Variants in HTRA3 observed in about 807,000 individuals in gnomAD.
HTRA3 encodes the protein serine protease HTRA3.
Under a neutral mutation model 43.2 loss-of-function variants are expected in HTRA3, and 41 were observed. The observed-to-expected ratio is 0.95, with a 90% confidence interval of 0.74 to 1.23. The LOEUF (loss-of-function observed/expected upper bound fraction) is 1.23, where lower values mean the gene tolerates loss of function less well. Ranked by LOEUF, HTRA3 falls within the 50% of genes most tolerant of loss-of-function variation. The pLI is 0.00. For missense variants in HTRA3, 628 were observed against 647.1 expected, an observed-to-expected ratio of 0.97 and a Z score of 0.32; for synonymous variants, 295 against 287.9, an observed-to-expected ratio of 1.02 and a Z score of -0.25.
rs1712640109 is a variant in HTRA3, at chr4:8,279,043, C to T, written c.386-3394C>T. 6.6e-6 allele frequency among the ~76,000 whole-genome samples: 1 copy of T among 152,022 alleles called. No homozygotes were observed. Among genetic ancestry groups the T allele is most frequent in the African/African-American group, 2.4e-5 (1 of 41,376 alleles). ...CCTTCCCTCTGAAATGTCTCAGCGG[C>T]TGTCTCACCCTGTGCTGGTTACCAC... is the stretch of plus-strand genomic sequence containing the variant. On this transcript the variant is annotated intron_variant, in intron 1 of 8. Coordinates refer to ENST00000307358, the MANE Select transcript of HTRA3 (RefSeq NM_053044.5). The surrounding 1 kb of genome is among the most constrained non-coding windows in gnomAD (Gnocchi z 7.4).
chr4:8,270,729 A>G (rs1712235925), intron 1 of HTRA3, among the ~76,000 whole-genome samples: 1 of 152,166 alleles, frequency 6.6e-6, no homozygotes, highest in Non-Finnish European at 1.5e-5. Flanking sequence ...CTAACTCTCC[A>G]GCCGGGGTGC....
Position 8,296,562 on chromosome 4 carries a change from T to C in HTRA3, c.1051+2361T>C, listed in dbSNP as rs1713465730. 1.0e-6 allele frequency: 1 copy of C among 983,374 alleles called. No individual in the cohort carries two copies. Among genetic ancestry groups the C allele is most frequent in the East Asian group, 1.1e-4 (1 of 8,796 alleles). 60.9% of individuals were successfully genotyped at this position (983,374 alleles called of 1,614,324 possible). A position where few individuals can be genotyped will look rare whatever the true frequency, so the allele number is the denominator to read the frequency against. ...TGCATTTATTATTCTCGTCTGGAGG[T>C]GGGGTGCAGAGGCCTCTGAGGGGCT... On this transcript the variant is annotated intron_variant, in intron 6 of 8. Coordinates refer to ENST00000307358, the MANE Select transcript of HTRA3 (RefSeq NM_053044.5). The surrounding 1 kb of genome is among the most constrained non-coding windows in gnomAD (Gnocchi z 5.3).
intron 4 of HTRA3, 91 bp downstream of exon 4, chr4:8,291,655 C>A (rs1217437341): frequency 5.6e-6 from 5 of 900,476 alleles, no homozygotes; most frequent in Non-Finnish European, 8.4e-6. Flanking sequence ...TGCCCCCCTC[C>A]CCAGAGCCAT....
chr4:8,278,694 C>T (rs890203444), intron 1 of HTRA3, among the ~76,000 whole-genome samples: 3 of 152,180 alleles, frequency 2.0e-5, no homozygotes, highest in Non-Finnish European at 4.4e-5. Flanking sequence ...CCTGGTGGGG[C>T]CCTGCAGGGG....
Position 8,286,522 on chromosome 4 carries a change from C to A in HTRA3, c.486-39C>A. The stretch of plus-strand genomic sequence containing the variant: ...TGCGCCTGACTCCCCCGCGTCCTAG[C>A]CCCACCCTAAATGCCCGCCTGTGTC... On this transcript the variant is annotated intron_variant, in intron 2 of 8. Transcript: ENST00000307358. The surrounding 1 kb of genome is among the most constrained non-coding windows in gnomAD (Gnocchi z 4.9). 6.3e-7 allele frequency: 1 copy of A among 1,581,354 alleles called. No individual in the cohort carries two copies. The highest frequency in any genetic ancestry group is 1.1e-5 in the South Asian group (1 of 90,052).
Position 8,295,414 on chromosome 4 carries a change from G to A in HTRA3, c.1051+1213G>A, listed in dbSNP as rs1400019191. ...ACCCTGCCCACTCCTAGATTGCCAT[G>A]AGCACCCATCTGGGAGAGGCCTCGC... On this transcript the variant is annotated intron_variant, in intron 6 of 8. Coordinates refer to ENST00000307358, the MANE Select transcript of HTRA3 (RefSeq NM_053044.5). This position sits in a 1 kb window ranked among gnomAD's most constrained non-coding sequence, Gnocchi z 6.9. Among the ~76,000 whole-genome samples the A allele has an allele frequency of 6.6e-6, 1 of 151,042 alleles. No individual in the cohort carries two copies. The highest frequency in any genetic ancestry group is 6.6e-5 in the Admixed American group (1 of 15,194).
At chr4:8,282,279 AG>A (rs1333910072) in intron 1 of HTRA3, among the ~76,000 whole-genome samples, 157 bp from the exon 2 acceptor site, 1 of 152,118 alleles carries the variant, frequency 6.6e-6, no homozygotes, top group African/African-American at 2.4e-5. Flanking sequence ...GCTGTGTGGT[AG>A]GGGGTCCCCA....
rs560019755 is a variant in HTRA3, at chr4:8,295,843, G to A, written c.1051+1642G>A. The A allele has an allele frequency of 7.1e-5, 88 of 1,238,022 alleles. No homozygotes were observed. Among genetic ancestry groups the A allele is most frequent in the African/African-American group, 1.1e-4 (7 of 64,676 alleles). The allele number at this position is 1,238,022 out of a possible 1,614,324, so 76.7% of individuals were successfully genotyped here. Reference sequence around the variant, plus strand: ...ATGAAGAGCTGCTGTTGAGGATGCCGCCATTGTTCTTCTGTGTCCATTATG... The same window carrying A: ...ATGAAGAGCTGCTGTTGAGGATGCCACCATTGTTCTTCTGTGTCCATTATG... On this transcript the variant is annotated intron_variant, in intron 6 of 8. Coordinates refer to ENST00000307358, the MANE Select transcript of HTRA3 (RefSeq NM_053044.5). The surrounding 1 kb of genome is among the most constrained non-coding windows in gnomAD (Gnocchi z 6.9).
rs1362901344 is a variant in HTRA3, at chr4:8,298,850, T to G, written c.1052-3613T>G. Among the ~76,000 whole-genome samples the G allele has an allele frequency of 2.0e-5, 3 of 152,336 alleles. No homozygotes were observed. In the East Asian group the frequency reaches 5.8e-4, roughly 29 times the overall value. On this transcript the variant is annotated intron_variant, in intron 6 of 8. Coordinates refer to ENST00000307358, the MANE Select transcript of HTRA3 (RefSeq NM_053044.5). ...CAGCTGTCTGTGTTTAGGCCAATAT[T>G]CAGTACTGCACTGGCCCGATTACTG... is the stretch of plus-strand genomic sequence containing the variant.
rs1385769523 is a variant in HTRA3 at position 8,270,120 on chromosome 4, G to A, written c.152G>A (p.Cys51Tyr). Residue 51 changes from cysteine to tyrosine, a missense_variant, in exon 1 of 9, where the codon TGC becomes TAC. Physicochemically the swap from Cys to Tyr is radical, Grantham distance 194. Coordinates refer to ENST00000307358, the MANE Select transcript of HTRA3 (RefSeq NM_053044.5). ...TACGTGCCCGACCTCTGCAACTGCT[G>A]CCTGGTGTGCGCCGCCAGCGAGGGC... ...GGYVPDLCNC[C>Y]LVCAASEGEP... The A allele has an allele frequency of 6.5e-7, 1 of 1,545,516 alleles. No individual in the cohort carries two copies. The highest frequency in any genetic ancestry group is 1.2e-5 in the South Asian group (1 of 85,506).
intron 1 of HTRA3, among the ~76,000 whole-genome samples, chr4:8,272,521 G>C (rs571421723): frequency 7.4e-4 from 112 of 152,318 alleles, no homozygotes; most frequent in African/African-American, 2.2e-3. Context: ...GAGAAGCGGG[G>C]ACCTGCAGGA....
chr4:8,279,893 C>A lies in HTRA3; in HGVS notation c.386-2544C>A, dbSNP rs1053538529. Among the ~76,000 whole-genome samples, 2 of 152,200 alleles carry A rather than the reference C, an allele frequency of 1.3e-5. No individual in the cohort carries two copies. Among genetic ancestry groups the A allele is most frequent in the African/African-American group, 2.4e-5 (1 of 41,444 alleles). ...GTCTCTGGTCGGTCACTGACTTGAC[C>A]CTTGCCCCCAGCTGAACCACTGTGT... On this transcript the variant is annotated intron_variant, in intron 1 of 8. Coordinates refer to ENST00000307358, the MANE Select transcript of HTRA3 (RefSeq NM_053044.5). The surrounding 1 kb of genome is among the most constrained non-coding windows in gnomAD (Gnocchi z 7.4).
intron 1 of HTRA3, among the ~76,000 whole-genome samples, chr4:8,273,180 G>A (rs13135847): frequency 6.6e-6 from 1 of 152,066 alleles, no homozygotes; most frequent in Non-Finnish European, 1.5e-5. Context: ...TGCTCTGTGG[G>A]CCTCCTGGCT....
At chr4:8,287,174 C>T (rs1008008395) in intron 3 of HTRA3, among the ~76,000 whole-genome samples, 3 of 152,204 alleles carry the variant, frequency 2.0e-5, no homozygotes, top group African/African-American at 4.8e-5. Flanking sequence ...CCGTGGGGAA[C>T]ACTTGGGACA....
At chr4:8,292,300 T>A (rs763597664) in intron 4 of HTRA3, 21 bp from the exon 5 acceptor site, 1 of 1,611,510 alleles carries the variant, frequency 6.2e-7, no homozygotes, top group South Asian at 1.1e-5. Context: ...GCACAGCTAA[T>A]GCTGTTTCCT....
chr4:8,288,960 T>C (rs1490269320), intron 3 of HTRA3, among the ~76,000 whole-genome samples: 10 of 137,296 alleles, frequency 7.3e-5, no homozygotes, highest in Non-Finnish European at 1.1e-4. Context: ...CTCTCTCTCT[T>C]TTTTTTTTTT....
At chr4:8,272,212 G>A (rs888375581) in intron 1 of HTRA3, among the ~76,000 whole-genome samples, 4 of 152,216 alleles carry the variant, frequency 2.6e-5, no homozygotes, top group Non-Finnish European at 4.4e-5. Flanking sequence ...TCTGGAGTTC[G>A]CGTCATGAGG....
chr4:8,301,068 T>A (rs143070903), intron 6 of HTRA3, among the ~76,000 whole-genome samples: 17 of 151,884 alleles, frequency 1.1e-4, no homozygotes, highest in Middle Eastern at 3.2e-3. Flanking sequence ...CGATTCACAC[T>A]CTTTATTATT....
intron 2 of HTRA3, among the ~76,000 whole-genome samples, chr4:8,283,625 C>T (rs1044362521): frequency 1.3e-5 from 2 of 152,212 alleles, no homozygotes; most frequent in Non-Finnish European, 2.9e-5. Flanking sequence ...TGCACAGAGC[C>T]GGCAAACAGC....
Sources: allele counts gnomAD v4.1 joint callset (sites outside exome capture counted in the v4.1 genomes callset), GRCh38; gene constraint gnomAD v4.1.1; non-coding constraint Gnocchi (gnomAD v3.1); transcripts MANE v1.5; gene names NCBI Gene and HGNC (gene_info 2026-07-23, HGNC 2026-07-21).